FNDC1: variants seen among roughly 807,000 people sequenced by gnomAD.
FNDC1 encodes fibronectin type III domain-containing protein 1.
FNDC1 carries 96 observed loss-of-function variants against 168.0 expected under a neutral mutation model. The ratio of observed to expected loss-of-function variants is 0.57; its 90% CI spans 0.48 to 0.68. The LOEUF (loss-of-function observed/expected upper bound fraction) is 0.68, where lower values mean the gene tolerates loss of function less well. FNDC1 is among the 30% of genes least tolerant of loss of function. The probability of loss-of-function intolerance (pLI) is 0.00; values close to 1 mark genes in which losing one functional copy is unlikely to be tolerated. For missense variants in FNDC1, 2,587 were observed against 2,482.1 expected (o/e 1.04, Z -0.90); for synonymous variants, 1,099 against 1,025.9 (o/e 1.07, Z -1.36).
At chr6:159,196,476 T>C (rs559706154) in intron 1 of FNDC1, among the ~76,000 whole-genome samples, 61 of 152,358 alleles carry the variant, frequency 4.0e-4, no homozygotes, top group African/African-American at 1.5e-3. Context: ...AACTCACATA[T>C]GTGTCATCAC....
At chr6:159,207,213 C>T (rs1424811283) in intron 4 of FNDC1, among the ~76,000 whole-genome samples, 3 of 152,148 alleles carry the variant, frequency 2.0e-5, no homozygotes, top group Non-Finnish European at 4.4e-5. Context: ...AAATCACAGG[C>T]ATTTCACGTG....
At chr6:159,252,015 C>T (rs767340333) in intron 17 of FNDC1, among the ~76,000 whole-genome samples, 10 of 152,308 alleles carry the variant, frequency 6.6e-5, no homozygotes, top group Admixed American at 1.3e-4. Flanking sequence ...TCTCCTTTCA[C>T]GTCTGTTGGG....
intron 4 of FNDC1, among the ~76,000 whole-genome samples, chr6:159,210,371 C>T (rs1037116320): frequency 2.0e-5 from 3 of 152,180 alleles, no homozygotes; most frequent in Admixed American, 1.3e-4. Context: ...TTCCCTTAGC[C>T]TTTCTGAGCC....
Position 159,239,779 on chromosome 6 carries a change from C to T in FNDC1, c.4443C>T (p.Arg1481=). 1.4e-6 allele frequency: 2 copies of T among 1,444,610 alleles called. No homozygotes were observed. Among genetic ancestry groups the T allele is most frequent in the African/African-American group, 4.0e-5 (2 of 49,902 alleles). The allele number at this position is 1,444,610 out of a possible 1,614,324, so 89.5% of individuals were successfully genotyped here. The change falls in exon 14 of 23, where the codon CGC becomes CGT. Residue 1481 remains arginine, a synonymous_variant. Transcript: ENST00000297267. ...CCCGCCGCACGACCACCACCCGCCG[C>T]ACGACCACCAGGCGTCCAACAACCA... ...ATTRRTTTTR[R]TTTRRPTTTV...
chr6:159,197,474 T>C lies in FNDC1; in HGVS notation c.153T>C (p.Thr51=). 1 of 1,613,818 alleles carries C rather than the reference T, an allele frequency of 6.2e-7. No homozygotes were observed. The highest frequency in any genetic ancestry group is 8.5e-7 in the Non-Finnish European group (1 of 1,179,808). The change falls in exon 2 of 23, where the codon ACT becomes ACC. Residue 51 remains threonine (T), a synonymous_variant. Coordinates refer to ENST00000297267, the MANE Select transcript of FNDC1 (RefSeq NM_032532.3). ...CAAGGCATGTGAAACTGCTGTCCAC[T>C]AAAATGGGCCTGAAAGTCACGTGGG... is the stretch of plus-strand genomic sequence containing the variant. The part of the protein sequence containing the change: ...LKPRHVKLLS[T]KMGLKVTWDP...
At chr6:159,205,532 G>A (rs986012408) in intron 4 of FNDC1, among the ~76,000 whole-genome samples, 2 of 152,148 alleles carry the variant, frequency 1.3e-5, no homozygotes, top group African/African-American at 2.4e-5. Flanking sequence ...CCGGCTCCAG[G>A]TTCAGGCCCT....
intron 1 of FNDC1, among the ~76,000 whole-genome samples, chr6:159,189,092 AGCCCAT>A (rs1782073557): frequency 6.6e-6 from 1 of 152,194 alleles, no homozygotes; most frequent in African/African-American, 2.4e-5. Flanking sequence ...ATAATGTTCT[AGCCCAT>A]CGGGGTCTGA....
chr6:159,202,594 A>G (rs753063462), intron 4 of FNDC1, among the ~76,000 whole-genome samples: 5 of 152,238 alleles, frequency 3.3e-5, no homozygotes, highest in African/African-American at 4.8e-5. Context: ...GTGTTTTATT[A>G]GAAACCAGAG....
rs772439478 is a variant in FNDC1 at position 159,233,442 on chromosome 6, C to T, written c.2930C>T (p.Ser977Phe). ...AQPGSTDRHA[S>F]PARPPAARSQ... ...CCAGGGTCCACAGACCGCCACGCGT[C>T]CCCTGCTCGTCCGCCCGCAGCACGG... The change falls in exon 11 of 23, where the codon TCC (serine) becomes TTC (phenylalanine). Residue 977 changes from serine (S) to phenylalanine (F), a missense_variant. Ser to Phe is a radical substitution (Grantham distance 155). Transcript: ENST00000297267. The surrounding 1 kb of genome is among the most constrained non-coding windows in gnomAD (Gnocchi z 4.6). The T allele has an allele frequency of 1.9e-6, 3 of 1,610,004 alleles. No homozygotes were observed. The highest frequency in any genetic ancestry group is 1.7e-4 in the Middle Eastern group (1 of 6,058).
At chr6:159,265,059 A>G in intron 20 of FNDC1, 55 bp downstream of exon 20, 1 of 1,445,180 alleles carries the variant, frequency 6.9e-7, no homozygotes, top group Non-Finnish European at 9.6e-7. Context: ...TGAATATTGA[A>G]TATGAGATTG....
intron 13 of FNDC1, among the ~76,000 whole-genome samples, chr6:159,238,932 A>G (rs1273353073): frequency 1.3e-5 from 2 of 152,180 alleles, no homozygotes; most frequent in African/African-American, 4.8e-5. Context: ...TCCGCAAACT[A>G]CAACCTGTAG....
At chr6:159,178,776 TG>T (rs1372050906) in intron 1 of FNDC1, among the ~76,000 whole-genome samples, 27 of 151,482 alleles carry the variant, frequency 1.8e-4, no homozygotes, top group Non-Finnish European at 1.5e-5. Context: ...GGAGAAATCA[TG>T]GCATGCAATT....
At chr6:159,216,850 A>T (rs1028207102) in intron 5 of FNDC1, among the ~76,000 whole-genome samples, 3 of 152,238 alleles carry the variant, frequency 2.0e-5, no homozygotes, top group Non-Finnish European at 4.4e-5. Context: ...GTACTCAAGC[A>T]AGGAAAAGGA....
chr6:159,241,288 T>G (rs992198129), intron 14 of FNDC1: 3 of 152,220 alleles, frequency 2.0e-5, no homozygotes, highest in African/African-American at 4.8e-5. Flanking sequence ...AAACAAAAAT[T>G]GACTATTTTG....
intron 1 of FNDC1, among the ~76,000 whole-genome samples, chr6:159,190,130 G>A (rs942337588): frequency 6.6e-6 from 1 of 152,196 alleles, no homozygotes; most frequent in Admixed American, 6.5e-5. Flanking sequence ...GCCTGAAGGT[G>A]GCGCGAGGTG....
chr6:159,227,411 G>T (rs1193779519), intron 9 of FNDC1, among the ~76,000 whole-genome samples: 1 of 152,148 alleles, frequency 6.6e-6, no homozygotes, highest in Non-Finnish European at 1.5e-5. Flanking sequence ...TGAAATGTTT[G>T]TGTAAGCTTA....
At chr6:159,240,947 A>G (rs923063954) in intron 14 of FNDC1, 1 of 152,248 alleles carries the variant, frequency 6.6e-6, no homozygotes, top group Non-Finnish European at 1.5e-5. Flanking sequence ...ATTCTTATGC[A>G]ACGTTATTGA....
At chr6:159,229,463 T>A (rs1374737020) in intron 9 of FNDC1, among the ~76,000 whole-genome samples, 1 of 152,226 alleles carries the variant, frequency 6.6e-6, no homozygotes, top group East Asian at 1.9e-4. Flanking sequence ...GTTTATTCTA[T>A]CAGGACATAT....
In FNDC1 at chr6:159,223,566, CG is replaced by C. The variant is rs1562643576; in HGVS notation, c.808del (p.Val270LeufsTer52). The C allele has an allele frequency of 6.2e-7, 1 of 1,613,500 alleles. No homozygotes were observed. The highest frequency in any genetic ancestry group is 2.2e-5 in the East Asian group (1 of 44,864). ...ELDVPDDISV[R>X]VMSSQSVLVS... ...GGATGTACCTGACGACATCAGCGTC[CG>C]GGTTATGTCATCTCAGTCTGTGCTT... On this transcript the variant is annotated frameshift_variant, in exon 7 of 23. Transcript: ENST00000297267. LOFTEE classifies it high-confidence loss of function.
Sources: gnomAD v4.1 joint callset for allele counts (sites outside exome capture counted in the v4.1 genomes callset) on GRCh38, gnomAD v4.1.1 for gene constraint, Gnocchi (gnomAD v3.1) non-coding constraint, MANE v1.5 for transcripts, NCBI Gene and HGNC (gene_info 2026-07-23, HGNC 2026-07-21) for gene names.